Variants in ANAPC1 observed in about 807,000 individuals in gnomAD.
The protein encoded by ANAPC1 is anaphase promoting complex subunit 1, also known as anaphase-promoting complex subunit 1.
Under a neutral mutation model 208.0 loss-of-function variants are expected in ANAPC1, and 36 were observed. That is an observed-to-expected ratio of 0.17 (90% CI 0.13 to 0.23). ANAPC1 has a LOEUF of 0.23. Ranked by LOEUF, ANAPC1 falls within the 10% of genes least tolerant of loss-of-function variation. The pLI is 1.00. For synonymous variants in ANAPC1, 378 were observed against 695.2 expected (o/e 0.54, Z 7.18); for missense variants, 942 against 2,011.6 (o/e 0.47, Z 10.17).
At chr2:111,813,460 G>A (rs1166544989) in intron 28 of ANAPC1, among the ~76,000 whole-genome samples, 2 of 151,220 alleles carry the variant, frequency 1.3e-5, no homozygotes, top group African/African-American at 2.4e-5. Flanking sequence ...CCAGATGTTT[G>A]GGCAATTCAG....
At position 111,868,312 on chromosome 2, in the gene ANAPC1, G is replaced by C. The variant is rs528254783; in HGVS notation, c.612-216C>G. Among the ~76,000 whole-genome samples, 358 of 152,166 alleles carry C rather than the reference G, an allele frequency of 2.4e-3. 1 individual carries two copies. The highest frequency in any genetic ancestry group is 7.9e-3 in the African/African-American group (330 of 41,510). ...CCTTAGAGTAATTCTATCAATGCACGAACAGAGGGAAATCAATATAGCCAG... is the reference window on the plus strand; with the variant it reads ...CCTTAGAGTAATTCTATCAATGCACCAACAGAGGGAAATCAATATAGCCAG... On this transcript the variant is annotated intron_variant, in intron 6 of 47. Coordinates refer to ENST00000341068, the MANE Select transcript of ANAPC1 (RefSeq NM_022662.4).
intron 18 of ANAPC1, among the ~76,000 whole-genome samples, chr2:111,838,085 C>CAAAAAAAAAAAAAAAAAA (rs57089465): frequency 9.7e-6 from 1 of 103,504 alleles, no homozygotes; most frequent in African/African-American, 3.2e-5. Context: ...TACTCCGTCT[C>CAAAAAAAAAAAAAAAAAA]AAAAAAAAAA....
intron 3 of ANAPC1, among the ~76,000 whole-genome samples, chr2:111,877,771 A>T (rs2104607266): frequency 1.3e-5 from 2 of 152,240 alleles, no homozygotes; most frequent in South Asian, 4.1e-4. Flanking sequence ...GTGACAGAGC[A>T]AGACTCCATC....
intron 9 of ANAPC1, 107 bp from the exon 10 acceptor site, chr2:111,862,705 T>A: frequency 6.9e-7 from 1 of 1,454,246 alleles, no homozygotes; most frequent in Non-Finnish European, 9.1e-7. Context: ...AGAGCATTCA[T>A]GGCATAATCC....
intron 3 of ANAPC1, among the ~76,000 whole-genome samples, chr2:111,876,800 A>C (rs1683046698): frequency 1.3e-5 from 2 of 152,298 alleles, no homozygotes; most frequent in South Asian, 4.1e-4. Flanking sequence ...GTATCCAGAT[A>C]CAAAGATTTC....
At chr2:111,832,890 A>G (rs1421786454) in intron 20 of ANAPC1, among the ~76,000 whole-genome samples, 1 of 137,602 alleles carries the variant, frequency 7.3e-6, no homozygotes, top group African/African-American at 2.6e-5. Context: ...GTGAGCCAAG[A>G]TCGCGCCACT....
At chr2:111,788,799 C>G (rs1677707151) in intron 38 of ANAPC1, among the ~76,000 whole-genome samples, 1 of 151,656 alleles carries the variant, frequency 6.6e-6, no homozygotes, top group Non-Finnish European at 1.5e-5. Context: ...CATGATGATT[C>G]CTTTAGAATG....
At chr2:111,847,600 T>C in intron 15 of ANAPC1, 125 bp downstream of exon 15, 1 of 1,300,108 alleles carries the variant, frequency 7.7e-7, no homozygotes, top group Non-Finnish European at 1.0e-6. Flanking sequence ...TGCCAAAAAA[T>C]GACACAATAG....
At chr2:111,771,782 T>C (rs1407075140) in intron 47 of ANAPC1, among the ~76,000 whole-genome samples, 3 of 152,046 alleles carry the variant, frequency 2.0e-5, no homozygotes, top group Non-Finnish European at 2.9e-5. Context: ...TATCAAAAAA[T>C]ATTTTTTTTG....
chr2:111,850,184 A>G (rs548873749), intron 14 of ANAPC1, among the ~76,000 whole-genome samples: 2 of 151,784 alleles, frequency 1.3e-5, no homozygotes, highest in East Asian at 3.9e-4. Context: ...TACTTTTATA[A>G]GTATTTATTC....
At chr2:111,833,540 C>T (rs1043077255) in intron 19 of ANAPC1, among the ~76,000 whole-genome samples, 3 of 151,878 alleles carry the variant, frequency 2.0e-5, no homozygotes, top group Non-Finnish European at 2.9e-5. Context: ...GTAAAAGCAC[C>T]GTGATCTAGT....
intron 6 of ANAPC1, among the ~76,000 whole-genome samples, chr2:111,870,373 A>G (rs563857818): frequency 1.3e-5 from 2 of 152,170 alleles, no homozygotes; most frequent in Non-Finnish European, 2.9e-5. Flanking sequence ...ATCCATGCCA[A>G]CATCTATTGT....
intron 47 of ANAPC1, among the ~76,000 whole-genome samples, chr2:111,770,011 C>T (rs1676645082): frequency 6.6e-6 from 1 of 150,794 alleles, no homozygotes; most frequent in South Asian, 2.1e-4. Context: ...CCAAAAATCC[C>T]AAATCCAAAA....
At chr2:111,828,258 T>A (rs1036468694) in intron 21 of ANAPC1, among the ~76,000 whole-genome samples, 13 of 152,044 alleles carry the variant, frequency 8.6e-5, no homozygotes, top group Middle Eastern at 3.2e-3. Context: ...CTATAATTTT[T>A]AAAAAAACAA....
At chr2:111,840,904 G>A (rs1303799314) in intron 17 of ANAPC1, among the ~76,000 whole-genome samples, 4 of 152,122 alleles carry the variant, frequency 2.6e-5, no homozygotes, top group South Asian at 2.1e-4. Context: ...TTAGCCAGGC[G>A]TGGAGGTACA....
intron 16 of ANAPC1, among the ~76,000 whole-genome samples, chr2:111,843,968 C>T (rs541371888): frequency 2.6e-5 from 4 of 151,842 alleles, no homozygotes; most frequent in East Asian, 3.9e-4. Context: ...GGATTACAGG[C>T]GTCTGCCACT....
intron 14 of ANAPC1, among the ~76,000 whole-genome samples, chr2:111,849,616 G>A (rs569032102): frequency 1.3e-5 from 2 of 152,226 alleles, no homozygotes; most frequent in South Asian, 2.1e-4. Context: ...CAGAGAATTC[G>A]GAGCCTCGTT....
chr2:111,857,568 A>C (rs1681802807), intron 11 of ANAPC1, among the ~76,000 whole-genome samples: 1 of 152,260 alleles, frequency 6.6e-6, no homozygotes, highest in South Asian at 2.1e-4. Flanking sequence ...AAGAGACATT[A>C]ACCTTCATAT....
intron 42 of ANAPC1, among the ~76,000 whole-genome samples, chr2:111,783,375 C>T (rs1677386355): frequency 6.6e-6 from 1 of 152,104 alleles, no homozygotes; most frequent in South Asian, 2.1e-4. Context: ...AGTGAGTTCT[C>T]ACGAGATCTG....
Sources: allele counts gnomAD v4.1 joint callset (sites outside exome capture counted in the v4.1 genomes callset), GRCh38; gene constraint gnomAD v4.1.1; transcripts MANE v1.5; gene names NCBI Gene and HGNC (gene_info 2026-07-23, HGNC 2026-07-21).